The following RANBP17 variants were observed in gnomAD, a reference collection of about 807,000 sequenced individuals.
RANBP17 encodes the protein RAN binding protein 17, also known as ran-binding protein 17.
RANBP17 carries 158 observed loss-of-function variants against 141.2 expected under a neutral mutation model. The observed-to-expected ratio is 1.12, with a 90% CI of 0.98 to 1.28. RANBP17 has a LOEUF of 1.28. RANBP17 is among the 50% of genes most tolerant of loss of function. RANBP17 has a pLI of 0.00. For synonymous variants in RANBP17, 430 were observed against 450.0 expected, an observed-to-expected ratio of 0.96 and a Z score of 0.56; for missense variants, 1,438 against 1,290.7, an observed-to-expected ratio of 1.11 and a Z score of -1.75.
At chr5:170,909,598 T>TTA (rs1771356943) in intron 5 of RANBP17, 63 bp from the exon 6 acceptor site, 1 of 513,778 alleles carries the variant, frequency 1.9e-6, no homozygotes, top group Non-Finnish European at 3.3e-6. Context: ...TTTTTTTTTT[T>TTA]AGTAAATTTT....
intron 1 of RANBP17, among the ~76,000 whole-genome samples, chr5:170,862,991 GAGATGCTTTA>G: frequency 6.6e-6 from 1 of 152,304 alleles, no homozygotes; most frequent in East Asian, 1.9e-4. Context: ...TCTTAGCTGA[GAGATGCTTTA>G]AGATTCTTTG....
At chr5:171,094,586 T>A (rs1344976981) in intron 14 of RANBP17, among the ~76,000 whole-genome samples, 2 of 152,166 alleles carry the variant, frequency 1.3e-5, no homozygotes, top group Admixed American at 1.3e-4. Flanking sequence ...ATAGAAGCTC[T>A]CTATGCATCT....
At chr5:170,876,770 G>T (rs1768214228) in intron 1 of RANBP17, among the ~76,000 whole-genome samples, 1 of 152,036 alleles carries the variant, frequency 6.6e-6, no homozygotes, top group African/African-American at 2.4e-5. Context: ...TAATGAGAAG[G>T]TATATGCACA....
intron 14 of RANBP17, among the ~76,000 whole-genome samples, chr5:170,986,142 TCTGTTTGG>T (rs1411290568): frequency 3.9e-5 from 6 of 152,040 alleles, no homozygotes; most frequent in African/African-American, 1.4e-4. Flanking sequence ...CAAAAATGTC[TCTGTTTGG>T]ATGATAAATT....
intron 12 of RANBP17, among the ~76,000 whole-genome samples, chr5:170,946,706 C>T (rs971957840): frequency 6.6e-6 from 1 of 152,052 alleles, no homozygotes; most frequent in Non-Finnish European, 1.5e-5. Context: ...AACTCATAGC[C>T]AGCAGCACTA....
At chr5:171,103,519 G>C (rs1000927462) in intron 14 of RANBP17, among the ~76,000 whole-genome samples, 1 of 152,156 alleles carries the variant, frequency 6.6e-6, no homozygotes, top group African/African-American at 2.4e-5. Flanking sequence ...CAAGCCAGGG[G>C]ATCTTAGCTT....
intron 24 of RANBP17, among the ~76,000 whole-genome samples, chr5:171,250,752 A>G (rs928223637): frequency 6.6e-6 from 1 of 152,350 alleles, no homozygotes; most frequent in Non-Finnish European, 1.5e-5. Flanking sequence ...AAAGAAGGTC[A>G]TTATATAATG....
At chr5:170,872,974 C>T (rs1767877095) in intron 1 of RANBP17, among the ~76,000 whole-genome samples, 1 of 152,024 alleles carries the variant, frequency 6.6e-6, no homozygotes, top group African/African-American at 2.4e-5. Flanking sequence ...TGCAGTGGTG[C>T]AATCTTGGCT....
intron 16 of RANBP17, among the ~76,000 whole-genome samples, chr5:171,176,449 CA>C (rs1264457948): frequency 6.6e-6 from 1 of 152,024 alleles, no homozygotes; most frequent in Non-Finnish European, 1.5e-5. Flanking sequence ...TTCAATTCAG[CA>C]AATATTTATT....
rs540901140 is a variant in RANBP17, at chr5:171,221,712, GTTTC to G, written c.2340-42_2340-39del. 135 of 1,082,270 alleles carry G rather than the reference GTTTC, an allele frequency of 1.2e-4. No individual in the cohort carries two copies. The South Asian group carries it at 1.7e-3, about 14-fold the overall frequency. 67.0% of individuals were successfully genotyped at this position (1,082,270 alleles called of 1,614,324 possible). On this transcript the variant is annotated intron_variant, in intron 21 of 27. Coordinates refer to ENST00000523189, the MANE Select transcript of RANBP17 (RefSeq NM_022897.5). ...CCTAGGCATTTTAAATCTGTGTTTG[GTTTC>G]TTTATCTTCACATATAGGCAATTTT...
At chr5:171,154,646 C>T (rs1758729042) in intron 14 of RANBP17, among the ~76,000 whole-genome samples, 1 of 152,170 alleles carries the variant, frequency 6.6e-6, no homozygotes, top group South Asian at 2.1e-4. Context: ...TTTACTAGAA[C>T]AAATGTCAGT....
intron 14 of RANBP17, among the ~76,000 whole-genome samples, chr5:171,148,656 T>G (rs941284088): frequency 1.4e-4 from 22 of 151,924 alleles, no homozygotes; most frequent in African/African-American, 4.8e-4. Context: ...ATATATAAAG[T>G]AATTGGTTAA....
At chr5:171,195,370 A>G (rs147092219) in intron 18 of RANBP17, among the ~76,000 whole-genome samples, 32 of 152,336 alleles carry the variant, frequency 2.1e-4, no homozygotes, top group African/African-American at 7.7e-4. Flanking sequence ...CAGATTAGAA[A>G]AATCTCTAAT....
At chr5:170,965,719 C>A (rs141751409) in intron 13 of RANBP17, among the ~76,000 whole-genome samples, 1 of 152,036 alleles carries the variant, frequency 6.6e-6, no homozygotes, top group Non-Finnish European at 1.5e-5. Flanking sequence ...AGATATGCAG[C>A]GTTATTTCTG....
Position 171,297,438 on chromosome 5 carries a change from A to G in RANBP17, c.3171-1324A>G, listed in dbSNP as rs182098649. On this transcript the variant is annotated intron_variant, in intron 27 of 27. Transcript: ENST00000523189. ...CTTTTATAAATGTGGTAGCATTCAA[A>G]TGCTGCTCCATTTGAAATGCAAATC... 2.6e-5 allele frequency among the ~76,000 whole-genome samples: 4 copies of G among 152,348 alleles called. No individual in the cohort carries two copies. In the South Asian group the frequency reaches 8.3e-4, roughly 32 times the overall value.
chr5:170,917,646 C>T (rs1772086234), intron 9 of RANBP17, among the ~76,000 whole-genome samples: 4 of 151,978 alleles, frequency 2.6e-5, no homozygotes, highest in Admixed American at 2.6e-4. Context: ...TTTATCTTTT[C>T]AATGTTAGTA....
chr5:171,230,666 G>A (rs1203723539), intron 22 of RANBP17, among the ~76,000 whole-genome samples: 1 of 152,152 alleles, frequency 6.6e-6, no homozygotes, highest in East Asian at 1.9e-4. Context: ...GAAGGCTGAG[G>A]CAGGAGAATT....
At chr5:170,897,018 G>A (rs919109366) in intron 5 of RANBP17, 340 of 1,104,536 alleles carry the variant, frequency 3.1e-4, no homozygotes, top group Non-Finnish European at 3.1e-4. Flanking sequence ...AGCACGCCGC[G>A]GTCAGCCAGA....
At chr5:171,244,318 C>T (rs1382521917) in intron 24 of RANBP17, among the ~76,000 whole-genome samples, 1 of 151,958 alleles carries the variant, frequency 6.6e-6, no homozygotes, top group Admixed American at 6.6e-5. Flanking sequence ...ACTGAGGATG[C>T]AATAAGCCAA....
Sources: gnomAD v4.1 joint callset for allele counts (sites outside exome capture counted in the v4.1 genomes callset) on GRCh38, gnomAD v4.1.1 for gene constraint, MANE v1.5 for transcripts, NCBI Gene and HGNC (gene_info 2026-07-23, HGNC 2026-07-21) for gene names.